The following CLN8 variants were observed in gnomAD, a reference collection of about 807,000 sequenced individuals.
The protein encoded by CLN8 is protein CLN8.
A neutral mutation model predicts 15.7 loss-of-function variants in CLN8; 14 were observed. The observed-to-expected ratio is 0.89, with a 90% confidence interval of 0.59 to 1.39. The LOEUF (loss-of-function observed/expected upper bound fraction) is 1.39. Among genes scored for constraint, CLN8 ranks in the 40% most tolerant of loss-of-function variants. CLN8 has a pLI of 0.00. For synonymous variants in CLN8, 188 were observed against 151.0 expected (o/e 1.25, Z -1.80); for missense variants, 415 against 364.0 (o/e 1.14, Z -1.14).
At position 1,771,266 on chromosome 8, in the gene CLN8, C is replaced by T. The variant is rs863224859; in HGVS notation, c.212C>T (p.Ala71Val). ...TTCTGGGACCTGGCGGCCACGCGTG[C>T]AGTCTTTGGTGTTCAGAGCACAGCC... The part of the protein sequence containing the change: ...KVFWDLAATR[A>V]VFGVQSTAAG... The change falls in exon 2 of 3, where the codon GCA (alanine) becomes GTA (valine). Residue 71 changes from alanine (A) to valine (V), a missense_variant. Transcript: ENST00000331222. 1.9e-6 allele frequency: 3 copies of T among 1,613,750 alleles called. No individual in the cohort carries two copies. The highest frequency in any genetic ancestry group is 2.5e-6 in the Non-Finnish European group (3 of 1,179,762).
chr8:1,756,438 C>T (rs111739251), intron 1 of CLN8, among the ~76,000 whole-genome samples: 1 of 150,116 alleles, frequency 6.7e-6, no homozygotes, highest in Non-Finnish European at 1.5e-5. Context: ...GAGCCGAGAC[C>T]GCACCATTTC....
At chr8:1,772,333 G>C (rs1416592060) in intron 2 of CLN8, among the ~76,000 whole-genome samples, 4 of 152,206 alleles carry the variant, frequency 2.6e-5, no homozygotes, top group African/African-American at 9.6e-5. Flanking sequence ...CTAGTGCTCA[G>C]AAGTGTTGGG....
chr8:1,760,829 C>T (rs974001564), upstream of CLN8, among the ~76,000 whole-genome samples: 10 of 152,012 alleles, frequency 6.6e-5, no homozygotes, highest in African/African-American at 1.9e-4. Context: ...GGGGAGCCCG[C>T]GGAAAGCAGG....
At chr8:1,771,740 A>C in intron 2 of CLN8, 143 bp downstream of exon 2, 2 of 768,398 alleles carry the variant, frequency 2.6e-6, no homozygotes, top group Non-Finnish European at 4.4e-6. Context: ...AGTTGAATGC[A>C]ATATTCTGGT....
intron 1 of CLN8, among the ~76,000 whole-genome samples, chr8:1,756,680 C>CTTT (rs751314711): frequency 2.4e-4 from 30 of 125,734 alleles, no homozygotes; most frequent in African/African-American, 7.6e-4. Context: ...TTAAGCATTC[C>CTTT]TTTTTTTTTT....
At chr8:1,755,351 A>G (rs1800645110), upstream of CLN8, among the ~76,000 whole-genome samples, 1 of 151,974 alleles carries the variant, frequency 6.6e-6, no homozygotes, top group Non-Finnish European at 1.5e-5. Flanking sequence ...TTGGATCCCC[A>G]CCCGACTCCC....
chr8:1,766,279 C>G (rs573417334), intron 1 of CLN8, among the ~76,000 whole-genome samples: 7 of 152,126 alleles, frequency 4.6e-5, no homozygotes, highest in Non-Finnish European at 8.8e-5. Context: ...GTTTATTCTC[C>G]GGCTCCACTT....
chr8:1,781,450 G>C lies in CLN8; in HGVS notation c.*883G>C, dbSNP rs1206762626. ...AGTGGTACAAAGACAACGCTGAGGGGTAGTGACTCCTGTAGCAGCAGAGAC... is the reference window on the plus strand; with the variant it reads ...AGTGGTACAAAGACAACGCTGAGGGCTAGTGACTCCTGTAGCAGCAGAGAC... On this transcript the variant is annotated 3_prime_UTR_variant, in exon 3 of 3. Coordinates refer to ENST00000331222, the MANE Select transcript of CLN8 (RefSeq NM_018941.4). The C allele has an allele frequency of 6.6e-6, 1 of 152,034 alleles. No homozygotes were observed. 9.4% of individuals were successfully genotyped at this position (152,034 alleles called of 1,614,324 possible).
chr8:1,773,805 C>T (rs566425479), intron 2 of CLN8: 1 of 152,192 alleles, frequency 6.6e-6, no homozygotes, highest in Non-Finnish European at 1.5e-5. Flanking sequence ...TCAGGAGTCA[C>T]TCGGCTGTGG....
At chr8:1,760,887 A>G (rs1034804384), upstream of CLN8, among the ~76,000 whole-genome samples, 1 of 152,196 alleles carries the variant, frequency 6.6e-6, no homozygotes, top group Admixed American at 6.5e-5. Context: ...TATCAATGTA[A>G]AAGCCAAGCT....
upstream of CLN8, among the ~76,000 whole-genome samples, chr8:1,754,483 C>G (rs1800622155): frequency 6.6e-6 from 1 of 152,202 alleles, no homozygotes; most frequent in Non-Finnish European, 1.5e-5. Flanking sequence ...TTGGTCTCAA[C>G]ATGTCTATCA....
chr8:1,762,763 C>G (rs1235049634), upstream of CLN8: 1 of 152,232 alleles, frequency 6.6e-6, no homozygotes, highest in Non-Finnish European at 1.5e-5. Flanking sequence ...AAGCGAGGGT[C>G]CAAGGCCGAC....
chr8:1,761,634 A>T (rs1182156745), upstream of CLN8, among the ~76,000 whole-genome samples: 1 of 152,164 alleles, frequency 6.6e-6, no homozygotes, highest in Non-Finnish European at 1.5e-5. Context: ...CCTGGAGTTC[A>T]GAGTTTTTAA....
intron 1 of CLN8, among the ~76,000 whole-genome samples, chr8:1,768,800 CA>C (rs2130983106): frequency 6.6e-6 from 1 of 152,308 alleles, no homozygotes; most frequent in Non-Finnish European, 1.5e-5. Flanking sequence ...CACTGAATAC[CA>C]GAGCCGAGTG....
chr8:1,768,386 G>C (rs1801151415), intron 1 of CLN8, among the ~76,000 whole-genome samples: 1 of 152,164 alleles, frequency 6.6e-6, no homozygotes. Context: ...CATCACTTGG[G>C]CTCACCACTT....
chr8:1,768,432 A>T (rs1398508759), intron 1 of CLN8, among the ~76,000 whole-genome samples: 1 of 152,178 alleles, frequency 6.6e-6, no homozygotes, highest in Admixed American at 6.5e-5. Context: ...ATCTGGGCAG[A>T]GCCTTCTGGA....
chr8:1,782,072 G>T lies in CLN8; in HGVS notation c.*1505G>T, dbSNP rs972134189. The stretch of plus-strand genomic sequence containing the variant: ...TGTACGTGGAAAACGTCGGCTGCTC[G>T]TGAGAATCATGTGTGACTTACGTTC... On this transcript the variant is annotated 3_prime_UTR_variant, in exon 3 of 3. Transcript: ENST00000331222. The T allele has an allele frequency of 2.0e-5, 3 of 152,128 alleles. No individual in the cohort carries two copies. The highest frequency in any genetic ancestry group is 6.5e-5 in the Admixed American group (1 of 15,272). The allele number at this position is 152,128 out of a possible 1,614,324, so 9.4% of individuals were successfully genotyped here. A position where few individuals can be genotyped will look rare whatever the true frequency, so the allele number is the denominator to read the frequency against.
chr8:1,763,935 AG>A (rs1248640694), intron 1 of CLN8, 50 bp downstream of exon 1: 2 of 146,226 alleles, frequency 1.4e-5, no homozygotes, highest in African/African-American at 2.6e-5. Context: ...GGTGAGGGGC[AG>A]CCCAGGTGAG....
At chr8:1,765,734 G>A (rs182540954) in intron 1 of CLN8, among the ~76,000 whole-genome samples, 1 of 152,334 alleles carries the variant, frequency 6.6e-6, no homozygotes, top group Non-Finnish European at 1.5e-5. Flanking sequence ...TATCCTGTGT[G>A]CATTGAAACC....
Sources: allele counts gnomAD v4.1 joint callset (sites outside exome capture counted in the v4.1 genomes callset), GRCh38; gene constraint gnomAD v4.1.1; transcripts MANE v1.5; gene names NCBI Gene and HGNC (gene_info 2026-07-23, HGNC 2026-07-21).